The following UPK1B variants were observed in gnomAD, a reference collection of about 807,000 sequenced individuals.
UPK1B encodes the protein uroplakin 1B, also known as uroplakin-1b.
UPK1B carries 28 observed loss-of-function variants against 34.2 expected under a neutral mutation model. That is an observed-to-expected ratio of 0.82 (90% CI 0.61 to 1.12). The LOEUF is 1.12. Among genes scored for constraint, UPK1B ranks in the 50% most tolerant of loss-of-function variants. The pLI is 0.00. For synonymous variants in UPK1B, 81 were observed against 110.4 expected, an observed-to-expected ratio of 0.73 and a Z score of 1.67; for missense variants, 325 against 320.9, an observed-to-expected ratio of 1.01 and a Z score of -0.10.
intron 1 of UPK1B, among the ~76,000 whole-genome samples, chr3:119,181,251 T>C (rs192682963): frequency 3.3e-5 from 5 of 152,310 alleles, no homozygotes; most frequent in Admixed American, 1.3e-4. Flanking sequence ...TGATTTCATA[T>C]ATTAGAGTTC....
At chr3:119,188,012 G>A in intron 3 of UPK1B, 37 bp downstream of exon 3, 5 of 1,605,122 alleles carry the variant, frequency 3.1e-6, no homozygotes, top group Non-Finnish European at 4.3e-6. Flanking sequence ...GTCTCCCTGA[G>A]CCAATTGTAA....
rs139636073 is a variant in UPK1B at position 119,175,093 on chromosome 3, T to A, written c.-29+1455T>A. Among the ~76,000 whole-genome samples the A allele has an allele frequency of 3.4e-3, 457 of 134,548 alleles. 2 individuals are homozygous for A. Among genetic ancestry groups the A allele is most frequent in the Middle Eastern group, 0.012 (3 of 246 alleles). The allele number at this position is 134,548 out of a possible 152,430, so 88.3% of individuals were successfully genotyped here. ...CCCAGGCTGGAGTGCAGTGGCGTGA[T>A]CTCTGCTCACTGCAAGCTCTGCCTC... On this transcript the variant is annotated intron_variant, in intron 1 of 7. Transcript: ENST00000264234.
intron 6 of UPK1B, among the ~76,000 whole-genome samples, chr3:119,195,209 A>G (rs544422337): frequency 1.3e-5 from 2 of 149,768 alleles, no homozygotes; most frequent in East Asian, 3.9e-4. Context: ...TAAGCCAGTG[A>G]AGACTTGTTA....
intron 1 of UPK1B, among the ~76,000 whole-genome samples, chr3:119,179,034 G>A (rs2077972712): frequency 1.3e-5 from 2 of 152,002 alleles, no homozygotes; most frequent in African/African-American, 4.8e-5. Flanking sequence ...AGAACCAAAA[G>A]GAGATACATA....
chr3:119,203,775 T>A (rs923030511), intron 7 of UPK1B, 142 bp from the exon 8 acceptor site: 1 of 854,408 alleles, frequency 1.2e-6, no homozygotes, highest in African/African-American at 1.7e-5. Flanking sequence ...TTTGTTTTGG[T>A]TTTTTAGAAG....
chr3:119,176,627 G>A (rs538082716), intron 1 of UPK1B, among the ~76,000 whole-genome samples: 5 of 152,286 alleles, frequency 3.3e-5, no homozygotes, highest in South Asian at 2.1e-4. Context: ...AAAATATTTC[G>A]AGGTGAGTTG....
chr3:119,199,011 C>T (rs1393536798), intron 6 of UPK1B, 46 bp from the exon 7 acceptor site: 8 of 1,605,180 alleles, frequency 5.0e-6, no homozygotes, highest in Non-Finnish European at 6.8e-6. Flanking sequence ...CTCTTCTCTG[C>T]TTTCTGGTTC....
intron 1 of UPK1B, among the ~76,000 whole-genome samples, chr3:119,185,603 T>C (rs962178753): frequency 5.9e-5 from 9 of 152,204 alleles, no homozygotes; most frequent in African/African-American, 2.2e-4. Flanking sequence ...AGTATAATTG[T>C]GTGGGAATGC....
intron 1 of UPK1B, among the ~76,000 whole-genome samples, chr3:119,185,066 T>C (rs1329859404): frequency 6.6e-6 from 1 of 152,214 alleles, no homozygotes; most frequent in African/African-American, 2.4e-5. Context: ...GAATGAAATT[T>C]CTAAGCAGAA....
At chr3:119,184,398 C>T (rs558900232) in intron 1 of UPK1B, among the ~76,000 whole-genome samples, 1 of 152,036 alleles carries the variant, frequency 6.6e-6, no homozygotes, top group Non-Finnish European at 1.5e-5. Context: ...GGTCATTTTT[C>T]CTTTGAACCC....
chr3:119,188,234 T>C (rs2078028377), intron 3 of UPK1B, among the ~76,000 whole-genome samples: 1 of 152,138 alleles, frequency 6.6e-6, no homozygotes, highest in Non-Finnish European at 1.5e-5. Flanking sequence ...ATTTTCCATA[T>C]TGTGCCTCTA....
rs1417328636 is a variant in UPK1B, at chr3:119,194,176, AG to A, written c.469-40del. 1.9e-6 allele frequency: 3 copies of A among 1,600,126 alleles called. No homozygotes were observed. The South Asian group carries it at 3.4e-5, about 18-fold the overall frequency. ...CAGTTGCTACATTGATGGCTCTAGT[AG>A]GGACCACGAAAGAGAATTTTGTATC... On this transcript the variant is annotated intron_variant, in intron 5 of 7. Coordinates refer to ENST00000264234, the MANE Select transcript of UPK1B (RefSeq NM_006952.4).
At chr3:119,201,162 C>T (rs972085601) in intron 7 of UPK1B, among the ~76,000 whole-genome samples, 1 of 152,136 alleles carries the variant, frequency 6.6e-6, no homozygotes, top group African/African-American at 2.4e-5. Flanking sequence ...ACTGCATTTA[C>T]ACCATCAGTG....
intron 1 of UPK1B, among the ~76,000 whole-genome samples, chr3:119,182,780 G>C (rs1050560453): frequency 1.3e-5 from 2 of 152,180 alleles, no homozygotes; most frequent in South Asian, 4.1e-4. Flanking sequence ...CACCAACCTA[G>C]TCTAAAATAC....
intron 5 of UPK1B, 27 bp downstream of exon 5, chr3:119,191,131 C>T (rs367784633): frequency 6.2e-7 from 1 of 1,611,654 alleles, no homozygotes; most frequent in African/African-American, 1.3e-5. Flanking sequence ...TGGGGAGATG[C>T]CATTTTTACT....
chr3:119,203,430 G>A (rs1393732119), intron 7 of UPK1B, among the ~76,000 whole-genome samples: 1 of 143,652 alleles, frequency 7.0e-6, no homozygotes, highest in South Asian at 2.2e-4. Flanking sequence ...ACTGGATAAA[G>A]AAAATGTGGT....
intron 1 of UPK1B, among the ~76,000 whole-genome samples, chr3:119,182,314 G>A (rs1385732328): frequency 2.6e-5 from 4 of 152,244 alleles, no homozygotes; most frequent in African/African-American, 9.6e-5. Context: ...GCCCTTGGCT[G>A]TGAGACCAGT....
chr3:119,197,105 T>C (rs2078071084), intron 6 of UPK1B, among the ~76,000 whole-genome samples: 1 of 152,204 alleles, frequency 6.6e-6, no homozygotes, highest in Non-Finnish European at 1.5e-5. Flanking sequence ...TGCACAAATG[T>C]GCTGCTATAG....
Position 119,203,969 on chromosome 3 carries a change from C to T in UPK1B, c.*2C>T. ...TACTGGAGCAGAATTGAATATTAAGCATAAAGTGTTGCCACCATACCTCCT... is the reference window on the plus strand; with the variant it reads ...TACTGGAGCAGAATTGAATATTAAGTATAAAGTGTTGCCACCATACCTCCT... On this transcript the variant is annotated 3_prime_UTR_variant, in exon 8 of 8. Coordinates refer to ENST00000264234, the MANE Select transcript of UPK1B (RefSeq NM_006952.4). 1 of 1,613,890 alleles carries T rather than the reference C, an allele frequency of 6.2e-7. No homozygotes were observed.
Sources: gnomAD v4.1 joint callset for allele counts (sites outside exome capture counted in the v4.1 genomes callset) on GRCh38, gnomAD v4.1.1 for gene constraint, MANE v1.5 for transcripts, NCBI Gene and HGNC (gene_info 2026-07-23, HGNC 2026-07-21) for gene names.